Variants in RADIL observed in about 807,000 individuals in gnomAD.
The protein encoded by RADIL is ras-associating and dilute domain-containing protein.
Under a neutral mutation model 97.6 loss-of-function variants are expected in RADIL, and 99 were observed. The ratio of observed to expected loss-of-function variants is 1.01; its 90% CI spans 0.86 to 1.20. The LOEUF (loss-of-function observed/expected upper bound fraction) is 1.20. RADIL is among the 50% of genes most tolerant of loss of function. The probability of loss-of-function intolerance (pLI) is 0.00; values close to 1 mark genes in which losing one functional copy is unlikely to be tolerated. For missense variants in RADIL, 1,765 were observed against 1,498.9 expected (o/e 1.18, Z -2.93); for synonymous variants, 803 against 691.8 (o/e 1.16, Z -2.52).
chr7:4,803,423 C>T, intron 11 of RADIL, 123 bp downstream of exon 11: 2 of 850,186 alleles, frequency 2.4e-6, no homozygotes, highest in Non-Finnish European at 3.4e-6. Context: ...GGGCCCCCTC[C>T]CCGGGCACCT....
intron 5 of RADIL, among the ~76,000 whole-genome samples, chr7:4,823,396 C>T (rs1782889151): frequency 6.8e-6 from 1 of 147,762 alleles, no homozygotes; most frequent in South Asian, 2.1e-4. Flanking sequence ...TCTTGAACTC[C>T]TAGCCTTAAG....
chr7:4,799,681 TCCCCCAGC>T lies in RADIL; in HGVS notation c.3063_3070del (p.Leu1022ProfsTer83). On this transcript the variant is annotated frameshift_variant, in exon 14 of 15. Transcript: ENST00000399583. LOFTEE classifies it high-confidence loss of function. Reference sequence around the variant, plus strand: ...GCTGCCATTCACCTCCAGGATACGGTCCCCCAGCGACAGGCGCCCGTCGGCCGCTGCGG... The same window carrying T: ...GCTGCCATTCACCTCCAGGATACGGTGACAGGCGCCCGTCGGCCGCTGCGG... 1 of 1,590,314 alleles carries T rather than the reference TCCCCCAGC, an allele frequency of 6.3e-7. No homozygotes were observed. The highest frequency in any genetic ancestry group is 8.5e-7 in the Non-Finnish European group (1 of 1,169,780).
intron 9 of RADIL, chr7:4,809,235 C>G: frequency 1.0e-6 from 1 of 985,310 alleles, no homozygotes; most frequent in Non-Finnish European, 1.2e-6. Context: ...CCCGCAGGGG[C>G]GCTCGGGCCT....
intron 5 of RADIL, among the ~76,000 whole-genome samples, chr7:4,825,746 T>C (rs1782956165): frequency 1.3e-5 from 2 of 152,090 alleles, no homozygotes; most frequent in South Asian, 4.1e-4. Context: ...CGTGGTGGCA[T>C]GTTCCTGTTA....
At chr7:4,801,317 G>C (rs898805842) in intron 12 of RADIL, among the ~76,000 whole-genome samples, 4 of 152,152 alleles carry the variant, frequency 2.6e-5, no homozygotes, top group African/African-American at 9.7e-5. Flanking sequence ...GAAGACCCCT[G>C]GGTTCCCCCT....
rs1456771227 is a variant in RADIL, at chr7:4,834,923, C to T, written c.1100G>A (p.Arg367Gln). Reference protein sequence around the residue: ...DPAQAQPLPARALARLRAVPQ... With the variant: ...DPAQAQPLPAQALARLRAVPQ... ...CACAGCCCGGAGGCGCGCCAAGGCC[C>T]GGGCGGGCAGGGGCTGGGCCTGCGC... The change falls in exon 4 of 15, where the codon CGG becomes CAG. Residue 367 changes from arginine (R) to glutamine (Q), a missense_variant. Transcript: ENST00000399583. This position sits in a 1 kb window ranked among gnomAD's most constrained non-coding sequence, Gnocchi z 6.0. 3.2e-6 allele frequency: 5 copies of T among 1,568,344 alleles called. No individual in the cohort carries two copies. The highest frequency in any genetic ancestry group is 2.6e-6 in the Non-Finnish European group (3 of 1,158,326).
At position 4,798,155 on chromosome 7, in the gene RADIL, T is replaced by A. The variant is rs1278746332; in HGVS notation, c.*1223A>T. 6 of 147,864 alleles carry A rather than the reference T, an allele frequency of 4.1e-5. No homozygotes were observed. The highest frequency in any genetic ancestry group is 8.9e-5 in the Non-Finnish European group (6 of 67,550). 9.2% of individuals were successfully genotyped at this position (147,864 alleles called of 1,614,324 possible). A position where few individuals can be genotyped will look rare whatever the true frequency, so the allele number is the denominator to read the frequency against. On this transcript the variant is annotated 3_prime_UTR_variant, in exon 15 of 15. Transcript: ENST00000399583. ...ACAAACACTATATATATATATATAT[T>A]TTATCCAGTATTTTGGGAACCTGGC...
intron 5 of RADIL, among the ~76,000 whole-genome samples, chr7:4,831,008 G>T (rs1028796015): frequency 1.3e-5 from 2 of 148,792 alleles, no homozygotes; most frequent in Admixed American, 6.7e-5. Flanking sequence ...GCGACAGAGC[G>T]AGATGCCGTT....
At chr7:4,848,249 T>C (rs1213973482) in intron 2 of RADIL, among the ~76,000 whole-genome samples, 1 of 151,398 alleles carries the variant, frequency 6.6e-6, no homozygotes, top group East Asian at 1.9e-4. Flanking sequence ...GACTGGACTG[T>C]GATGATGATG....
chr7:4,848,712 C>T (rs541530036), intron 2 of RADIL, among the ~76,000 whole-genome samples: 1 of 152,124 alleles, frequency 6.6e-6, no homozygotes, highest in Non-Finnish European at 1.5e-5. Flanking sequence ...TTGAGAAGAT[C>T]GGGCAATAGG....
At chr7:4,881,180 C>G (rs934367121) in intron 1 of RADIL, among the ~76,000 whole-genome samples, 6 of 146,426 alleles carry the variant, frequency 4.1e-5, no homozygotes, top group African/African-American at 1.3e-4. Context: ...CTTTGGGAGG[C>G]TGAGGCGGGC....
chr7:4,881,951 C>T (rs756670907), intron 1 of RADIL, among the ~76,000 whole-genome samples: 5 of 151,860 alleles, frequency 3.3e-5, no homozygotes, highest in Admixed American at 3.3e-4. Context: ...CCCACTTCCC[C>T]CCACCCCTGC....
chr7:4,857,851 T>A (rs974856407), intron 2 of RADIL: 1 of 152,570 alleles, frequency 6.6e-6, no homozygotes. Context: ...CAAACTCCAC[T>A]CACTAGGTAC....
intron 2 of RADIL, among the ~76,000 whole-genome samples, chr7:4,853,472 T>G (rs1783756335): frequency 6.6e-6 from 1 of 151,952 alleles, no homozygotes; most frequent in Non-Finnish European, 1.5e-5. Flanking sequence ...GCCGGGCATG[T>G]TGGCTCACAC....
chr7:4,809,255 G>C (rs879437800), intron 9 of RADIL: 1 of 985,244 alleles, frequency 1.0e-6, no homozygotes, highest in Admixed American at 6.1e-5. Flanking sequence ...TGGCCGCCAA[G>C]CTGGGCGAGA....
At chr7:4,859,570 C>A in intron 2 of RADIL, 1 of 249,102 alleles carries the variant, frequency 4.0e-6, no homozygotes, top group Non-Finnish European at 7.8e-6. Context: ...TATTTCAAGT[C>A]ATATCTAGTC....
At chr7:4,859,916 T>C (rs778087934) in intron 2 of RADIL, 12 of 1,611,004 alleles carry the variant, frequency 7.4e-6, no homozygotes, top group Non-Finnish European at 8.5e-6. Context: ...TAGATATGTT[T>C]GTTGCTGAGT....
intron 2 of RADIL, among the ~76,000 whole-genome samples, chr7:4,863,072 G>A (rs183058133): frequency 6.6e-6 from 1 of 151,916 alleles, no homozygotes; most frequent in Non-Finnish European, 1.5e-5. Context: ...ATCTAGACAC[G>A]TTGTCAACCT....
In RADIL at chr7:4,878,029, C is replaced by G. The variant is rs1301889000; in HGVS notation, c.111G>C (p.Arg37=). 6.2e-7 allele frequency: 1 copy of G among 1,609,576 alleles called. No homozygotes were observed. The highest frequency in any genetic ancestry group is 8.5e-7 in the Non-Finnish European group (1 of 1,178,808). ...GGCTGGAGAAGGTGGAGTCCAGGTC[C>G]CGGTACTTGTAGCTCAGCGTCCGGG... ...MLSRTLSYKY[R]DLDSTFSSLG... The change falls in exon 2 of 15, where the codon CGG becomes CGC. Residue 37 remains arginine, a synonymous_variant. Transcript: ENST00000399583. The surrounding 1 kb of genome is among the most constrained non-coding windows in gnomAD (Gnocchi z 4.1).
Sources: allele counts gnomAD v4.1 joint callset (sites outside exome capture counted in the v4.1 genomes callset), GRCh38; gene constraint gnomAD v4.1.1; non-coding constraint Gnocchi (gnomAD v3.1); transcripts MANE v1.5; gene names NCBI Gene and HGNC (gene_info 2026-07-23, HGNC 2026-07-21).